PHKG2: variants seen among roughly 807,000 people sequenced by gnomAD.
The protein encoded by PHKG2 is phosphorylase kinase catalytic subunit gamma 2.
PHKG2 carries 28 observed loss-of-function variants against 44.5 expected under a neutral mutation model. The observed-to-expected ratio is 0.63, with a 90% CI of 0.47 to 0.86. The LOEUF (loss-of-function observed/expected upper bound fraction) is 0.86. Among genes scored for constraint, PHKG2 ranks in the 40% least tolerant of loss-of-function variants. The pLI, the probability that PHKG2 is intolerant of heterozygous loss-of-function variation, is 0.00. For synonymous variants in PHKG2, 220 were observed against 211.2 expected, an observed-to-expected ratio of 1.04 and a Z score of -0.36; for missense variants, 498 against 547.5, an observed-to-expected ratio of 0.91 and a Z score of 0.90.
Position 30,749,085 on chromosome 16 carries a change from GTGGTGCTGCTGCTGCTGCTGCTGC to G in PHKG2, c.95+176_95+199del, listed in dbSNP as rs1567259469. Among the ~76,000 whole-genome samples the G allele has an allele frequency of 3.0e-3, 74 of 24,788 alleles. 14 individuals carry two copies. Among genetic ancestry groups the G allele is most frequent in the Admixed American group, 3.8e-3 (9 of 2,380 alleles). 16.3% of individuals were successfully genotyped at this position (24,788 alleles called of 152,430 possible). ...GGTGGTGGTGGTGGTGGTGGTGGTGGTGGTGCTGCTGCTGCTGCTGCTGCTGGTGGTGCTGGTGCTGGTGGTGGT... is the reference window on the plus strand; with the variant it reads ...GGTGGTGGTGGTGGTGGTGGTGGTGGTGGTGGTGCTGGTGCTGGTGGTGGT... On this transcript the variant is annotated intron_variant, in intron 2 of 9. Transcript: ENST00000563588.
In PHKG2 at chr16:30,760,039, AT is replaced by A. The variant is rs1201035692; in HGVS notation, c.*2944del. On this transcript the variant is annotated 3_prime_UTR_variant, in exon 10 of 10. Transcript: ENST00000563588. Reference sequence around the variant, plus strand: ...TATTAAACATTCTAAAGCAGGTGTTATTGTGCACTATGCATATATTTGCATA... The same window carrying A: ...TATTAAACATTCTAAAGCAGGTGTTATGTGCACTATGCATATATTTGCATA... 1.1e-5 allele frequency: 17 copies of A among 1,509,954 alleles called. No individual in the cohort carries two copies. Among genetic ancestry groups the A allele is most frequent in the Non-Finnish European group, 4.4e-6 (5 of 1,133,810 alleles). The allele number at this position is 1,509,954 out of a possible 1,614,324, so 93.5% of individuals were successfully genotyped here.
chr16:30,751,190 G>A lies in PHKG2; in HGVS notation c.180G>A (p.Glu60=). 6.2e-7 allele frequency: 1 copy of A among 1,613,866 alleles called. No individual in the cohort carries two copies. Among genetic ancestry groups the A allele is most frequent in the South Asian group, 1.1e-5 (1 of 91,086 alleles). The part of the protein sequence containing the change: ...FAVKIMEVTA[E]RLSPEQLEEV... ...TGAAGATTATGGAAGTGACAGCTGA[G>A]CGGCTGAGTCCTGAGCAGCTGGAGG... The change falls in exon 3 of 10, where the codon GAG becomes GAA. Residue 60 remains glutamate (E), a synonymous_variant. Coordinates refer to ENST00000563588, the MANE Select transcript of PHKG2 (RefSeq NM_000294.3).
chr16:30,749,151 G>GTGC (rs1287873753), intron 2 of PHKG2, among the ~76,000 whole-genome samples: 4 of 20,054 alleles, frequency 2.0e-4, no homozygotes, highest in African/African-American at 3.1e-4. Flanking sequence ...GGTGCTGGTG[G>GTGC]TGGTGCTGGT....
chr16:30,759,093 C>T lies in PHKG2; in HGVS notation c.*1996C>T. 6.2e-7 allele frequency: 1 copy of T among 1,614,210 alleles called. No homozygotes were observed. Among genetic ancestry groups the T allele is most frequent in the Non-Finnish European group, 8.5e-7 (1 of 1,180,048 alleles). ...GCCTGCTCCTCCATCTCCTTGCTTT[C>T]TTCTTTCTCTGCAAACCAGAAGCAG... On this transcript the variant is annotated 3_prime_UTR_variant, in exon 10 of 10. Transcript: ENST00000563588.
intron 4 of PHKG2, chr16:30,752,810 T>G: frequency 3.2e-6 from 1 of 310,522 alleles, no homozygotes; most frequent in South Asian, 2.9e-5. Context: ...TTTGAAAGTA[T>G]TATTTTTAAT....
intron 8 of PHKG2, 21 bp downstream of exon 8, chr16:30,756,541 C>T (rs757843282): frequency 1.2e-6 from 2 of 1,612,868 alleles, no homozygotes; most frequent in Non-Finnish European, 1.7e-6. Context: ...GCTGAGAGGA[C>T]AGTAGGGGAG....
At chr16:30,749,863 G>C (rs917633887) in intron 2 of PHKG2, among the ~76,000 whole-genome samples, 1 of 152,214 alleles carries the variant, frequency 6.6e-6, no homozygotes, top group Non-Finnish European at 1.5e-5. Flanking sequence ...CATCAGGCTA[G>C]ATAGGTAGAG....
In PHKG2 at chr16:30,749,106, C is replaced by CTGCTGCTGCTGCTGG. The variant is rs1567259550; in HGVS notation, c.95+196_95+197insCTGCTGCTGGTGCTG. On this transcript the variant is annotated intron_variant, in intron 2 of 9. Transcript: ENST00000563588. ...GGTGGTGGTGCTGCTGCTGCTGCTG[C>CTGCTGCTGCTGCTGG]TGCTGGTGGTGCTGGTGCTGGTGGT... is the stretch of plus-strand genomic sequence containing the variant. Among the ~76,000 whole-genome samples, 9 of 50,530 alleles carry CTGCTGCTGCTGCTGG rather than the reference C, an allele frequency of 1.8e-4. 1 individual carries two copies. Among genetic ancestry groups the CTGCTGCTGCTGCTGG allele is most frequent in the South Asian group, 2.3e-3 (2 of 870 alleles). The allele number at this position is 50,530 out of a possible 152,430, so 33.1% of individuals were successfully genotyped here.
chr16:30,755,184 ATGAGCTG>A, intron 6 of PHKG2: 1 of 284,590 alleles, frequency 3.5e-6, no homozygotes, highest in Non-Finnish European at 7.1e-6. Context: ...CAAGGCTACA[ATGAGCTG>A]TGATAGTGCC....
chr16:30,753,693 T>TGG, intron 6 of PHKG2, 136 bp downstream of exon 6: 1 of 830,260 alleles, frequency 1.2e-6, no homozygotes. Context: ...AAGTATCCTG[T>TGG]GGGCGCAAAG....
In PHKG2 at chr16:30,759,364, T is replaced by C. The variant is rs774725515; in HGVS notation, c.*2267T>C. 1 of 1,614,220 alleles carries C rather than the reference T, an allele frequency of 6.2e-7. No homozygotes were observed. ...TACCTGGGGTGTGAAGACGTATTTA[T>C]AGAGCTTGAAGTGGCGGAAGTAAGT... On this transcript the variant is annotated 3_prime_UTR_variant, in exon 10 of 10. Transcript: ENST00000563588.
rs1276251055 is a variant in PHKG2 at position 30,748,793 on chromosome 16, C to T, written c.-18-10C>T. The T allele has an allele frequency of 5.2e-6, 8 of 1,530,980 alleles. No homozygotes were observed. Among genetic ancestry groups the T allele is most frequent in the Admixed American group, 3.9e-5 (2 of 50,966 alleles). 94.8% of individuals were successfully genotyped at this position (1,530,980 alleles called of 1,614,324 possible). Reference sequence around the variant, plus strand: ...CCTCCCTGCCCTCACTGCCCTCCTCCTCCGCGCAGGCCCCCGCCTCCTTCA... The same window carrying T: ...CCTCCCTGCCCTCACTGCCCTCCTCTTCCGCGCAGGCCCCCGCCTCCTTCA... On this transcript the variant is annotated splice_polypyrimidine_tract_variant and intron_variant, in intron 1 of 9. Coordinates refer to ENST00000563588, the MANE Select transcript of PHKG2 (RefSeq NM_000294.3).
rs2053558550 is a variant in PHKG2 at position 30,759,022 on chromosome 16, C to T, written c.*1925C>T. 6.2e-7 allele frequency: 1 copy of T among 1,614,236 alleles called. No individual in the cohort carries two copies. The highest frequency in any genetic ancestry group is 2.2e-5 in the East Asian group (1 of 44,888). ...TCTCCAGATCCTCACTTGGCTCTGG[C>T]TCTGGTGGGGCCACTGTCTCTAGTT... is the stretch of plus-strand genomic sequence containing the variant. On this transcript the variant is annotated 3_prime_UTR_variant, in exon 10 of 10. Transcript: ENST00000563588.
Position 30,749,130 on chromosome 16 carries a change from G to GGTGGTGC in PHKG2, c.95+215_95+216insGTGGTGC, listed in dbSNP as rs1567259603. Among the ~76,000 whole-genome samples the GGTGGTGC allele has an allele frequency of 2.5e-4, 14 of 55,418 alleles. 2 individuals carry two copies. Among genetic ancestry groups the GGTGGTGC allele is most frequent in the African/African-American group, 1.5e-3 (14 of 9,368 alleles). The allele number at this position is 55,418 out of a possible 152,430, so 36.4% of individuals were successfully genotyped here. A position where few individuals can be genotyped will look rare whatever the true frequency, so the allele number is the denominator to read the frequency against. On this transcript the variant is annotated intron_variant, in intron 2 of 9. Transcript: ENST00000563588. ...GCTGCTGGTGGTGCTGGTGCTGGTGGTGGTGGTGCTGGTGCTGGTGGTGGT... is the reference window on the plus strand; with the variant it reads ...GCTGCTGGTGGTGCTGGTGCTGGTGGGTGGTGCTGGTGGTGCTGGTGCTGGTGGTGGT...
At position 30,759,096 on chromosome 16, in the gene PHKG2, C is replaced by T. The variant is rs777504706; in HGVS notation, c.*1999C>T. ...TGCTCCTCCATCTCCTTGCTTTCTT[C>T]TTTCTCTGCAAACCAGAAGCAGGAA... is the stretch of plus-strand genomic sequence containing the variant. On this transcript the variant is annotated 3_prime_UTR_variant, in exon 10 of 10. Coordinates refer to ENST00000563588, the MANE Select transcript of PHKG2 (RefSeq NM_000294.3). The T allele has an allele frequency of 6.8e-6, 11 of 1,614,100 alleles. No individual in the cohort carries two copies. Among genetic ancestry groups the T allele is most frequent in the Admixed American group, 6.7e-5 (4 of 60,002 alleles).
At chr16:30,749,527 T>A (rs2053317480) in intron 2 of PHKG2, among the ~76,000 whole-genome samples, 1 of 151,798 alleles carries the variant, frequency 6.6e-6, no homozygotes, top group Non-Finnish European at 1.5e-5. Flanking sequence ...ATATTTTTAG[T>A]AGAGGCGGGC....
chr16:30,760,056 T>G lies in PHKG2; in HGVS notation c.*2959T>G. On this transcript the variant is annotated 3_prime_UTR_variant, in exon 10 of 10. Coordinates refer to ENST00000563588, the MANE Select transcript of PHKG2 (RefSeq NM_000294.3). The stretch of plus-strand genomic sequence containing the variant: ...CAGGTGTTATTGTGCACTATGCATA[T>G]ATTTGCATATATTATTTCTCAGAAC... 6.5e-7 allele frequency: 1 copy of G among 1,528,554 alleles called. No homozygotes were observed. 94.7% of individuals were successfully genotyped at this position (1,528,554 alleles called of 1,614,324 possible).
At chr16:30,749,816 C>T (rs552392510) in intron 2 of PHKG2, among the ~76,000 whole-genome samples, 1 of 152,186 alleles carries the variant, frequency 6.6e-6, no homozygotes, top group East Asian at 1.9e-4. Context: ...GTACTCCACC[C>T]GAAGTGACTG....
chr16:30,761,009 T>G lies in PHKG2; in HGVS notation c.*3912T>G, dbSNP rs1315914904. 4.5e-6 allele frequency: 3 copies of G among 660,298 alleles called. No homozygotes were observed. In the Admixed American group the frequency reaches 8.7e-5, roughly 19 times the overall value. The allele number at this position is 660,298 out of a possible 1,614,324, so 40.9% of individuals were successfully genotyped here. On this transcript the variant is annotated 3_prime_UTR_variant, in exon 10 of 10. Coordinates refer to ENST00000563588, the MANE Select transcript of PHKG2 (RefSeq NM_000294.3). Reference sequence around the variant, plus strand: ...CCATTTACATTCTGTCTTTGGCTCTTTTTTTCTCACACTGCCTCCTCTTTG... The same window carrying G: ...CCATTTACATTCTGTCTTTGGCTCTGTTTTTCTCACACTGCCTCCTCTTTG...
Sources: allele counts gnomAD v4.1 joint callset (sites outside exome capture counted in the v4.1 genomes callset), GRCh38; gene constraint gnomAD v4.1.1; transcripts MANE v1.5; gene names NCBI Gene and HGNC (gene_info 2026-07-23, HGNC 2026-07-21).